The following XPR1 variants were observed in gnomAD, a reference collection of about 807,000 sequenced individuals.
The protein encoded by XPR1 is solute carrier family 53 member 1.
In XPR1, 28 loss-of-function variants were observed where a neutral mutation model predicts 87.5. The ratio of observed to expected loss-of-function variants is 0.32; its 90% CI spans 0.24 to 0.44. XPR1 has a LOEUF of 0.44. XPR1 is among the 20% of genes least tolerant of loss of function. XPR1 has a pLI of 1.00. For synonymous variants in XPR1, 300 were observed against 306.1 expected (o/e 0.98, Z 0.21); for missense variants, 559 against 862.3 (o/e 0.65, Z 4.41).
chr1:180,847,703 A>G (rs1558037234), intron 11 of XPR1, among the ~76,000 whole-genome samples: 1 of 152,210 alleles, frequency 6.6e-6, no homozygotes, highest in Non-Finnish European at 1.5e-5. Context: ...GATGTGGAAG[A>G]ATTTAAAATA....
intron 2 of XPR1, among the ~76,000 whole-genome samples, chr1:180,768,786 T>C (rs1397078853): frequency 1.3e-5 from 2 of 152,226 alleles, no homozygotes; most frequent in Admixed American, 1.3e-4. Context: ...GTAACAGATA[T>C]CCTAAATGTA....
chr1:180,692,543 G>A (rs1442899379), intron 2 of XPR1, among the ~76,000 whole-genome samples: 1 of 152,114 alleles, frequency 6.6e-6, no homozygotes, highest in Non-Finnish European at 1.5e-5. Flanking sequence ...TGTTTACATT[G>A]GAAAGTGATT....
intron 11 of XPR1, among the ~76,000 whole-genome samples, chr1:180,861,940 G>A (rs570019293): frequency 9.0e-4 from 137 of 152,064 alleles, no homozygotes; most frequent in African/African-American, 3.1e-3. Flanking sequence ...CATCATGCAA[G>A]TACAATAAAT....
At chr1:180,667,118 T>A (rs11487340) in intron 1 of XPR1, among the ~76,000 whole-genome samples, 4,911 of 152,232 alleles carry the variant, frequency 0.032, 182 homozygotes, top group African/African-American at 0.088. Context: ...TTTCATTATG[T>A]TGCATGGCCT....
intron 1 of XPR1, among the ~76,000 whole-genome samples, chr1:180,645,128 C>T (rs1655074489): frequency 6.6e-6 from 1 of 152,242 alleles, no homozygotes; most frequent in Non-Finnish European, 1.5e-5. Context: ...CTCAGACACA[C>T]TTTTAAGTCC....
intron 11 of XPR1, among the ~76,000 whole-genome samples, chr1:180,858,825 A>T (rs768651125): frequency 6.6e-6 from 1 of 152,236 alleles, no homozygotes; most frequent in Non-Finnish European, 1.5e-5. Flanking sequence ...AGGGATTAAT[A>T]TATGTGATCT....
chr1:180,823,220 G>A (rs899720721), intron 7 of XPR1, among the ~76,000 whole-genome samples: 5 of 148,082 alleles, frequency 3.4e-5, no homozygotes, highest in Admixed American at 2.7e-4. Context: ...CAGTCTGAGC[G>A]ACAGAGCAAG....
At chr1:180,753,128 T>C (rs901718192) in intron 2 of XPR1, among the ~76,000 whole-genome samples, 2 of 152,214 alleles carry the variant, frequency 1.3e-5, no homozygotes, top group African/African-American at 4.8e-5. Context: ...CCAACTTTGC[T>C]TACTACAAAA....
At chr1:180,764,430 T>G (rs75352946) in intron 2 of XPR1, among the ~76,000 whole-genome samples, 1 of 151,974 alleles carries the variant, frequency 6.6e-6, no homozygotes, top group Non-Finnish European at 1.5e-5. Flanking sequence ...CTGTAATCTT[T>G]TTTTTTTTTA....
At chr1:180,680,944 A>G (rs1656556516) in intron 1 of XPR1, among the ~76,000 whole-genome samples, 1 of 152,240 alleles carries the variant, frequency 6.6e-6, no homozygotes, top group Admixed American at 6.5e-5. Flanking sequence ...GGTTAAGTGA[A>G]ATAAGCCAGG....
rs1652961929 is a variant in XPR1 at position 180,884,884 on chromosome 1, C to G, written c.*818C>G. The G allele has an allele frequency of 1.3e-5, 2 of 152,406 alleles. No homozygotes were observed. Among genetic ancestry groups the G allele is most frequent in the African/African-American group, 4.8e-5 (2 of 41,438 alleles). The allele number at this position is 152,406 out of a possible 1,614,324, so 9.4% of individuals were successfully genotyped here. A position where few individuals can be genotyped will look rare whatever the true frequency, so the allele number is the denominator to read the frequency against. On this transcript the variant is annotated 3_prime_UTR_variant, in exon 15 of 15. Coordinates refer to ENST00000367590, the MANE Select transcript of XPR1 (RefSeq NM_004736.4). ...TTTATTTTAAGCCAAAGTTTCATTGCTAACTTCTTAAGTTGCTGCTGCTTT... is the reference window on the plus strand; with the variant it reads ...TTTATTTTAAGCCAAAGTTTCATTGGTAACTTCTTAAGTTGCTGCTGCTTT...
intron 3 of XPR1, among the ~76,000 whole-genome samples, chr1:180,802,556 CCTT>C (rs1649826994): frequency 1.3e-5 from 2 of 152,084 alleles, no homozygotes; most frequent in Non-Finnish European, 2.9e-5. Context: ...ATAAAATTTG[CCTT>C]CTTAAGGTTT....
intron 2 of XPR1, among the ~76,000 whole-genome samples, chr1:180,779,805 G>T (rs566333468): frequency 3.7e-4 from 57 of 152,134 alleles, no homozygotes; most frequent in Non-Finnish European, 6.0e-4. Context: ...TCTAATTCAA[G>T]AACATTTTCA....
intron 1 of XPR1, among the ~76,000 whole-genome samples, chr1:180,640,568 G>A (rs1485007606): frequency 6.6e-6 from 1 of 152,184 alleles, no homozygotes; most frequent in African/African-American, 2.4e-5. Flanking sequence ...CTTAGGCACC[G>A]CTGACCTTTC....
At chr1:180,814,851 T>G (rs1023383529) in intron 7 of XPR1, among the ~76,000 whole-genome samples, 7 of 152,142 alleles carry the variant, frequency 4.6e-5, no homozygotes, top group African/African-American at 1.7e-4. Context: ...CAAAGCCATT[T>G]CGAGAGAAGG....
chr1:180,761,250 A>G (rs574330182), intron 2 of XPR1, among the ~76,000 whole-genome samples: 19 of 152,330 alleles, frequency 1.2e-4, no homozygotes, highest in Middle Eastern at 3.4e-3. Flanking sequence ...CAATGGCAAC[A>G]AAAGCCAAAA....
intron 1 of XPR1, among the ~76,000 whole-genome samples, chr1:180,678,582 C>G (rs771692778): frequency 3.3e-5 from 5 of 152,156 alleles, no homozygotes; most frequent in Admixed American, 1.3e-4. Context: ...GCATATGTGA[C>G]ATTAAAAATT....
chr1:180,883,957 A>G (rs1652926682), intron 14 of XPR1, 49 bp from the exon 15 acceptor site: 2 of 1,539,162 alleles, frequency 1.3e-6, no homozygotes, highest in Non-Finnish European at 1.8e-6. Context: ...GAAAGTGTTT[A>G]TATTTGGGTA....
intron 2 of XPR1, among the ~76,000 whole-genome samples, chr1:180,708,258 C>T (rs1373692552): frequency 2.6e-5 from 4 of 152,152 alleles, no homozygotes; most frequent in Non-Finnish European, 5.9e-5. Flanking sequence ...ATCTGACTCT[C>T]ATGTCATCTG....
Sources: allele counts gnomAD v4.1 joint callset (sites outside exome capture counted in the v4.1 genomes callset), GRCh38; gene constraint gnomAD v4.1.1; transcripts MANE v1.5; gene names NCBI Gene and HGNC (gene_info 2026-07-23, HGNC 2026-07-21).